Variants in SP100 observed in about 807,000 individuals in gnomAD.
The protein encoded by SP100 is nuclear autoantigen Sp-100.
In SP100, 84 loss-of-function variants were observed where a neutral mutation model predicts 130.0. That is an observed-to-expected ratio of 0.65 (90% CI 0.54 to 0.77). The LOEUF (loss-of-function observed/expected upper bound fraction) is 0.77. SP100 is among the 30% of genes least tolerant of loss of function. The pLI, the probability that SP100 is intolerant of heterozygous loss-of-function variation, is 0.00. For missense variants in SP100, 978 were observed against 1,052.2 expected (o/e 0.93, Z 0.97); for synonymous variants, 331 against 351.7 (o/e 0.94, Z 0.66).
chr2:230,507,584 C>T (rs887155654), intron 22 of SP100, among the ~76,000 whole-genome samples: 2 of 152,038 alleles, frequency 1.3e-5, no homozygotes, highest in Non-Finnish European at 2.9e-5. Context: ...TACAATAGAT[C>T]GGAGAAGAGA....
At chr2:230,515,928 T>C in intron 24 of SP100, 3 of 1,092,804 alleles carry the variant, frequency 2.7e-6, no homozygotes, top group Non-Finnish European at 3.3e-6. Context: ...TAGTTGTATA[T>C]GAGGATGGTA....
intron 24 of SP100, among the ~76,000 whole-genome samples, chr2:230,533,211 TATTTAC>T (rs1352173076): frequency 2.0e-5 from 3 of 152,230 alleles, no homozygotes; most frequent in African/African-American, 7.2e-5. Flanking sequence ...CCAAAACTGA[TATTTAC>T]ATTTACCATT....
chr2:230,543,632 C>T lies in SP100; in HGVS notation c.*686C>T, dbSNP rs10202660. The T allele has an allele frequency of 0.57, 86,760 of 151,838 alleles. 25,352 individuals are homozygous for T. The highest frequency in any genetic ancestry group is 0.8 in the Middle Eastern group (235 of 294). 9.4% of individuals were successfully genotyped at this position (151,838 alleles called of 1,614,324 possible). A position where few individuals can be genotyped will look rare whatever the true frequency, so the allele number is the denominator to read the frequency against. Reference sequence around the variant, plus strand: ...TGAGAGAGTTCTACAATGAGAATTACGAAACACTGCTCAAAGAGATTGGAG... The same window carrying T: ...TGAGAGAGTTCTACAATGAGAATTATGAAACACTGCTCAAAGAGATTGGAG... On this transcript the variant is annotated 3_prime_UTR_variant, in exon 29 of 29. Coordinates refer to ENST00000340126, the MANE Select transcript of SP100 (RefSeq NM_001080391.2).
At chr2:230,450,291 T>C in intron 8 of SP100, 36 bp downstream of exon 8, 1 of 1,511,806 alleles carries the variant, frequency 6.6e-7, no homozygotes, top group Non-Finnish European at 9.2e-7. Context: ...TTCTTTCCTT[T>C]CTTATTCAGA....
At chr2:230,532,224 AT>A (rs1003985869) in intron 24 of SP100, among the ~76,000 whole-genome samples, 2 of 152,020 alleles carry the variant, frequency 1.3e-5, no homozygotes, top group African/African-American at 4.8e-5. Context: ...CTAGAAAAAA[AT>A]AAATAAATAA....
At chr2:230,464,642 C>T (rs1025314763) in intron 11 of SP100, among the ~76,000 whole-genome samples, 1 of 152,192 alleles carries the variant, frequency 6.6e-6, no homozygotes, top group Non-Finnish European at 1.5e-5. Flanking sequence ...TACACCCAAA[C>T]CCAAATTATA....
intron 17 of SP100, among the ~76,000 whole-genome samples, chr2:230,492,544 G>A (rs186045005): frequency 7.9e-5 from 12 of 152,230 alleles, no homozygotes; most frequent in East Asian, 7.7e-4. Flanking sequence ...GGCTTCAAGC[G>A]ATCTTTCCAC....
chr2:230,489,084 T>G (rs992444308), intron 17 of SP100, among the ~76,000 whole-genome samples: 3 of 152,218 alleles, frequency 2.0e-5, no homozygotes, highest in African/African-American at 7.2e-5. Context: ...TGGAATAGTT[T>G]CAGAAGGAAA....
At position 230,473,435 on chromosome 2, in the gene SP100, T is replaced by TATC. The variant is rs1482133604; in HGVS notation, c.1541_1542insATC (p.Met514delinsIleSer). 6.2e-7 allele frequency: 1 copy of TATC among 1,603,978 alleles called. No individual in the cohort carries two copies. The highest frequency in any genetic ancestry group is 8.5e-7 in the Non-Finnish European group (1 of 1,170,840). On this transcript the variant is annotated protein_altering_variant, in exon 16 of 29. Transcript: ENST00000340126. Reference sequence around the variant, plus strand: ...ACTGAAAGTAGTCAAGCATCTGACATGATGGGTAAGGCTACCCTAGGGTCT... The same window carrying TATC: ...ACTGAAAGTAGTCAAGCATCTGACATATCGATGGGTAAGGCTACCCTAGGGTCT...
rs1692276510 is a variant in SP100 at position 230,545,377 on chromosome 2, A to T, written c.*2431A>T. On this transcript the variant is annotated 3_prime_UTR_variant, in exon 29 of 29. Coordinates refer to ENST00000340126, the MANE Select transcript of SP100 (RefSeq NM_001080391.2). ...CTCAGTTGTGAGTGGGAGCTAAATG[A>T]TGAGAACTCATGAACACAATGAAGG... is the stretch of plus-strand genomic sequence containing the variant. Among the ~76,000 whole-genome samples, 1 of 152,178 alleles carries T rather than the reference A, an allele frequency of 6.6e-6. No individual in the cohort carries two copies. Among genetic ancestry groups the T allele is most frequent in the Admixed American group, 6.5e-5 (1 of 15,270 alleles).
chr2:230,467,273 C>T, intron 13 of SP100, 58 bp downstream of exon 13: 3 of 1,213,356 alleles, frequency 2.5e-6, no homozygotes, highest in South Asian at 1.2e-5. Flanking sequence ...TTCCCTGATG[C>T]ACTGTGCTCT....
chr2:230,444,425 G>A (rs2063599154), intron 4 of SP100, 79 bp downstream of exon 4: 1 of 1,126,806 alleles, frequency 8.9e-7, no homozygotes. Context: ...CCTACCATGA[G>A]TGACATGTTG....
intron 2 of SP100, among the ~76,000 whole-genome samples, chr2:230,418,061 G>A (rs1161296753): frequency 6.6e-6 from 1 of 152,114 alleles, no homozygotes; most frequent in African/African-American, 2.4e-5. Flanking sequence ...TGGCAGATTC[G>A]CTGCTACCGC....
chr2:230,456,155 G>A (rs945557689), intron 8 of SP100, among the ~76,000 whole-genome samples: 17 of 152,050 alleles, frequency 1.1e-4, no homozygotes, highest in Non-Finnish European at 1.5e-5. Context: ...CTTTATTTCT[G>A]AAAGACAGCT....
chr2:230,539,338 A>T lies in SP100; in HGVS notation c.2166A>T (p.Arg722Ser). 3 of 1,613,982 alleles carry T rather than the reference A, an allele frequency of 1.9e-6. No homozygotes were observed. Among genetic ancestry groups the T allele is most frequent in the Non-Finnish European group, 2.5e-6 (3 of 1,179,878 alleles). ...GRLFCCDTCP[R>S]SFHEHCHIPS... is the part of the protein sequence containing the mutation. Reference sequence around the variant, plus strand: ...TGTTCTGCTGCGACACTTGTCCAAGATCCTTTCATGAGCACTGCCACATCC... The same window carrying T: ...TGTTCTGCTGCGACACTTGTCCAAGTTCCTTTCATGAGCACTGCCACATCC... Residue 722 changes from arginine (R) to serine (S), a missense_variant, in exon 25 of 29, where the codon AGA becomes AGT. Physicochemically the swap from Arg to Ser is moderately radical, Grantham distance 110 (BLOSUM62 -1). Transcript: ENST00000340126.
intron 17 of SP100, among the ~76,000 whole-genome samples, chr2:230,492,049 T>A (rs1025267860): frequency 6.6e-6 from 1 of 152,204 alleles, no homozygotes; most frequent in Non-Finnish European, 1.5e-5. Flanking sequence ...GGTGCTCTAT[T>A]TTAGACAGTA....
intron 18 of SP100, among the ~76,000 whole-genome samples, chr2:230,495,808 G>C (rs1413470309): frequency 6.6e-6 from 1 of 151,596 alleles, no homozygotes; most frequent in Non-Finnish European, 1.5e-5. Flanking sequence ...TTTGCATCTT[G>C]TAAAATACTT....
intron 13 of SP100, among the ~76,000 whole-genome samples, chr2:230,468,578 TGAGGC>T (rs1368616853): frequency 6.9e-6 from 1 of 145,578 alleles, no homozygotes; most frequent in African/African-American, 2.5e-5. Flanking sequence ...GCTGAGGGGC[TGAGGC>T]AGGTGGATCT....
At chr2:230,506,224 G>GC in intron 21 of SP100, 79 bp from the exon 22 acceptor site, 1 of 1,515,014 alleles carries the variant, frequency 6.6e-7, no homozygotes, top group South Asian at 1.2e-5. Flanking sequence ...AAAGTGGGTG[G>GC]CCCCAGACCC....
Sources: gnomAD v4.1 joint callset for allele counts (sites outside exome capture counted in the v4.1 genomes callset) on GRCh38, gnomAD v4.1.1 for gene constraint, MANE v1.5 for transcripts, NCBI Gene and HGNC (gene_info 2026-07-23, HGNC 2026-07-21) for gene names.